The following PDP2 variants were observed in gnomAD, a reference collection of about 807,000 sequenced individuals.
PDP2 encodes [Pyruvate dehydrogenase [acetyl-transferring]]-phosphatase 2, mitochondrial.
Under a neutral mutation model 34.2 loss-of-function variants are expected in PDP2, and 23 were observed. The observed-to-expected ratio is 0.67, with a 90% CI of 0.48 to 0.95. PDP2 has a LOEUF of 0.95. Ranked by LOEUF, PDP2 falls within the 40% of genes least tolerant of loss-of-function variation. The pLI, the probability that PDP2 is intolerant of heterozygous loss-of-function variation, is 0.00. For synonymous variants in PDP2, 275 were observed against 269.2 expected (o/e 1.02, Z -0.21); for missense variants, 571 against 659.6 (o/e 0.87, Z 1.47).
Position 66,884,706 on chromosome 16 carries a change from A to G in PDP2, c.422A>G (p.Asp141Gly), listed in dbSNP as rs1054857471. The G allele has an allele frequency of 6.2e-7, 1 of 1,614,092 alleles. No homozygotes were observed. Among genetic ancestry groups the G allele is most frequent in the African/African-American group, 1.3e-5 (1 of 74,940 alleles). ...AATGGACTGATGTTTGGCATCTTCG[A>G]TGGACATGGTGGTCATGCATGTGCC... ...QTNGLMFGIFDGHGGHACAQA... is the reference protein window; with the variant it reads ...QTNGLMFGIFGGHGGHACAQA... The change falls in exon 2 of 2, where the codon GAT becomes GGT. Residue 141 changes from aspartate (D) to glycine (G), a missense_variant. Physicochemically the swap from Asp to Gly is moderately conservative, Grantham distance 94. Coordinates refer to ENST00000311765, the MANE Select transcript of PDP2 (RefSeq NM_020786.4).
rs1961780527 is a variant in PDP2 at position 66,886,738 on chromosome 16, G to A, written c.*864G>A. The A allele has an allele frequency of 4.0e-6, 1 of 251,002 alleles. No homozygotes were observed. Among genetic ancestry groups the A allele is most frequent in the Non-Finnish European group, 9.2e-6 (1 of 108,830 alleles). 15.5% of individuals were successfully genotyped at this position (251,002 alleles called of 1,614,324 possible). A position where few individuals can be genotyped will look rare whatever the true frequency, so the allele number is the denominator to read the frequency against. On this transcript the variant is annotated 3_prime_UTR_variant, in exon 2 of 2. Coordinates refer to ENST00000311765, the MANE Select transcript of PDP2 (RefSeq NM_020786.4). ...TTGGGGGTTGATTCACAGCATTTAAGCTTTCTGATTATACCTCTCAAACAT... is the reference window on the plus strand; with the variant it reads ...TTGGGGGTTGATTCACAGCATTTAAACTTTCTGATTATACCTCTCAAACAT...
Position 66,885,590 on chromosome 16 carries a change from T to C in PDP2, c.1306T>C (p.Trp436Arg). Residue 436 changes from tryptophan (W) to arginine (R), a missense_variant, in exon 2 of 2, where the codon TGG becomes CGG. Around this residue, in one of 2 missense-constraint regions of PDP2, gnomAD observed 281 missense variants for 375.8 expected, o/e 0.75. Transcript: ENST00000311765. The surrounding 1 kb of genome is among the most constrained non-coding windows in gnomAD (Gnocchi z 4.6). ...LVVGHLAEADWHKTDLAQRPA... is the reference protein window; with the variant it reads ...LVVGHLAEADRHKTDLAQRPA... ...GGTGGGGCACCTGGCTGAGGCAGAT[T>C]GGCACAAGACAGACCTGGCCCAGAG... 1.2e-6 allele frequency: 2 copies of C among 1,614,052 alleles called. No individual in the cohort carries two copies. Among genetic ancestry groups the C allele is most frequent in the South Asian group, 2.2e-5 (2 of 91,074 alleles).
rs762529550 is a variant in PDP2, at chr16:66,884,329, C to T, written c.45C>T (p.Asn15=). 8.1e-6 allele frequency: 13 copies of T among 1,613,478 alleles called. No homozygotes were observed. The highest frequency in any genetic ancestry group is 1.1e-5 in the Non-Finnish European group (13 of 1,179,646). The part of the protein sequence containing the change: ...VSYWILNSTR[N]SIATLQGGRR... Reference sequence around the variant, plus strand: ...ACTGGATCTTAAATTCTACAAGGAACAGCATTGCCACATTGCAAGGGGGTA... The same window carrying T: ...ACTGGATCTTAAATTCTACAAGGAATAGCATTGCCACATTGCAAGGGGGTA... Residue 15 remains asparagine (N), a synonymous_variant, in exon 2 of 2, where the codon AAC becomes AAT. Coordinates refer to ENST00000311765, the MANE Select transcript of PDP2 (RefSeq NM_020786.4).
Position 66,885,509 on chromosome 16 carries a change from C to T in PDP2, c.1225C>T (p.Leu409=). The change falls in exon 2 of 2, where the codon CTG becomes TTG. Residue 409 remains leucine (L), a synonymous_variant. Coordinates refer to ENST00000311765, the MANE Select transcript of PDP2 (RefSeq NM_020786.4). The surrounding 1 kb of genome is among the most constrained non-coding windows in gnomAD (Gnocchi z 4.6). ...RLRPQDKFLV[L]ASDGLWDMLS... The stretch of plus-strand genomic sequence containing the variant: ...GAGGCCCCAGGATAAGTTCCTTGTG[C>T]TGGCCTCAGATGGCCTGTGGGACAT... 6.2e-7 allele frequency: 1 copy of T among 1,614,098 alleles called. No individual in the cohort carries two copies. Among genetic ancestry groups the T allele is most frequent in the Non-Finnish European group, 8.5e-7 (1 of 1,180,046 alleles).
rs1157424253 is a variant in PDP2, at chr16:66,888,088, C to T, written c.*2214C>T. On this transcript the variant is annotated 3_prime_UTR_variant, in exon 2 of 2. Coordinates refer to ENST00000311765, the MANE Select transcript of PDP2 (RefSeq NM_020786.4). ...TCTCTCTTTCTTTCTTTCTTTCCTT[C>T]TTGACAGGGTCTCCCTGTAGCCAGG... 6.8e-6 allele frequency: 1 copy of T among 146,802 alleles called. No individual in the cohort carries two copies. The highest frequency in any genetic ancestry group is 1.5e-5 in the Non-Finnish European group (1 of 66,920). The allele number at this position is 146,802 out of a possible 1,614,324, so 9.1% of individuals were successfully genotyped here. A position where few individuals can be genotyped will look rare whatever the true frequency, so the allele number is the denominator to read the frequency against.
intron 1 of PDP2, among the ~76,000 whole-genome samples, chr16:66,883,759 T>C (rs1365673023): frequency 2.6e-5 from 4 of 152,092 alleles, no homozygotes; most frequent in African/African-American, 9.7e-5. Flanking sequence ...CCGAAGCAGA[T>C]ATTTAAATGA....
Position 66,888,786 on chromosome 16 carries a change from G to C in PDP2, c.*2912G>C, listed in dbSNP as rs1308109653. On this transcript the variant is annotated 3_prime_UTR_variant, in exon 2 of 2. Transcript: ENST00000311765. ...TGAATCTTACTTTGGAGCCTAGCATGGGTCATAAATATATCTGATTCATTA... is the reference window on the plus strand; with the variant it reads ...TGAATCTTACTTTGGAGCCTAGCATCGGTCATAAATATATCTGATTCATTA... 1 of 152,176 alleles carries C rather than the reference G, an allele frequency of 6.6e-6. No individual in the cohort carries two copies. The highest frequency in any genetic ancestry group is 1.5e-5 in the Non-Finnish European group (1 of 68,038). The allele number at this position is 152,176 out of a possible 1,614,324, so 9.4% of individuals were successfully genotyped here.
At chr16:66,884,173 CAAAAAAAAAAAA>C (rs575688634) in intron 1 of PDP2, 46 bp from the exon 2 acceptor site, 2 of 642,542 alleles carry the variant, frequency 3.1e-6, no homozygotes, top group Non-Finnish European at 2.2e-6. Flanking sequence ...GACTACGTCT[CAAAAAAAAAAAA>C]AAAAAAAAGA....
chr16:66,884,268 G>T lies in PDP2; in HGVS notation c.-17G>T. The T allele has an allele frequency of 6.0e-6, 9 of 1,506,094 alleles. No homozygotes were observed. Among genetic ancestry groups the T allele is most frequent in the South Asian group, 2.8e-5 (2 of 72,456 alleles). The allele number at this position is 1,506,094 out of a possible 1,614,324, so 93.3% of individuals were successfully genotyped here. On this transcript the variant is annotated 5_prime_UTR_variant, in exon 2 of 2. Coordinates refer to ENST00000311765, the MANE Select transcript of PDP2 (RefSeq NM_020786.4). ...CCTTTTTTGCTGAAGGAACACATTT[G>T]CTGGTATAGTTTCAGAATGTCAAGT...
chr16:66,891,025 A>G lies in PDP2; in HGVS notation c.*5151A>G. 6.6e-6 allele frequency: 1 copy of G among 152,208 alleles called. No individual in the cohort carries two copies. Among genetic ancestry groups the G allele is most frequent in the Non-Finnish European group, 1.5e-5 (1 of 68,042 alleles). The allele number at this position is 152,208 out of a possible 1,614,324, so 9.4% of individuals were successfully genotyped here. ...CTGACATTTGTATTTTAAGCTGTATACCAATGTTCGTATTTGACATTGATT... is the reference window on the plus strand; with the variant it reads ...CTGACATTTGTATTTTAAGCTGTATGCCAATGTTCGTATTTGACATTGATT... On this transcript the variant is annotated 3_prime_UTR_variant, in exon 2 of 2. Transcript: ENST00000311765.
In PDP2 at chr16:66,885,708, T is replaced by C. The variant is rs1961735296; in HGVS notation, c.1424T>C (p.Ile475Thr). ...EADQNAATRL[I>T]RHAIGNNEYG... is the part of the protein sequence containing the mutation. The stretch of plus-strand genomic sequence containing the variant: ...GACCAAAATGCAGCCACGCGGCTGA[T>C]CAGACATGCCATCGGGAACAATGAG... Residue 475 changes from isoleucine (I) to threonine (T), a missense_variant, in exon 2 of 2, where the codon ATC becomes ACC. By Grantham distance (89) the Ile-to-Thr change is moderately conservative (BLOSUM62 -1). This residue lies in a region of PDP2 where 281 missense variants were observed against 375.8 expected (regional missense o/e 0.75). Coordinates refer to ENST00000311765, the MANE Select transcript of PDP2 (RefSeq NM_020786.4). This position sits in a 1 kb window ranked among gnomAD's most constrained non-coding sequence, Gnocchi z 4.6. 1 of 1,613,862 alleles carries C rather than the reference T, an allele frequency of 6.2e-7. No homozygotes were observed.
rs1362989534 is a variant in PDP2, at chr16:66,889,819, C to A, written c.*3945C>A. ...CTCTACAAAAAAAAAAAAAAATAGC[C>A]AGGTGTGGCACATGCCTGTAGTCTC... On this transcript the variant is annotated 3_prime_UTR_variant, in exon 2 of 2. Coordinates refer to ENST00000311765, the MANE Select transcript of PDP2 (RefSeq NM_020786.4). 1 of 149,506 alleles carries A rather than the reference C, an allele frequency of 6.7e-6. No homozygotes were observed. The highest frequency in any genetic ancestry group is 2.5e-5 in the African/African-American group (1 of 40,460). The allele number at this position is 149,506 out of a possible 1,614,324, so 9.3% of individuals were successfully genotyped here.
chr16:66,889,399 GAAGTGA>G lies in PDP2; in HGVS notation c.*3526_*3531del, dbSNP rs1478013598. On this transcript the variant is annotated 3_prime_UTR_variant, in exon 2 of 2. Coordinates refer to ENST00000311765, the MANE Select transcript of PDP2 (RefSeq NM_020786.4). ...CACTGCAACGTCTGCCTCCCAGATT[GAAGTGA>G]CTCTCGTGCCTCTGCCACAGAGTAG... 1.1e-4 allele frequency: 17 copies of G among 152,062 alleles called. No homozygotes were observed. The highest frequency in any genetic ancestry group is 2.1e-4 in the Non-Finnish European group (14 of 68,022). The allele number at this position is 152,062 out of a possible 1,614,324, so 9.4% of individuals were successfully genotyped here. A position where few individuals can be genotyped will look rare whatever the true frequency, so the allele number is the denominator to read the frequency against.
rs955099066 is a variant in PDP2 at position 66,884,833 on chromosome 16, G to T, written c.549G>T (p.Leu183Phe). The change falls in exon 2 of 2, where the codon TTG (leucine) becomes TTT (phenylalanine). Residue 183 changes from leucine to phenylalanine, a missense_variant. Coordinates refer to ENST00000311765, the MANE Select transcript of PDP2 (RefSeq NM_020786.4). ...MEGAMESMKP[L>F]LPILHWLKHP... The stretch of plus-strand genomic sequence containing the variant: ...GAGCTATGGAAAGCATGAAACCCTT[G>T]CTGCCCATCCTGCATTGGCTCAAGC... 3.7e-6 allele frequency: 6 copies of T among 1,614,034 alleles called. No individual in the cohort carries two copies. Among genetic ancestry groups the T allele is most frequent in the Non-Finnish European group, 5.1e-6 (6 of 1,179,966 alleles).
rs953595800 is a variant in PDP2, at chr16:66,889,630, T to C, written c.*3756T>C. The C allele has an allele frequency of 6.6e-6, 1 of 152,098 alleles. No homozygotes were observed. Among genetic ancestry groups the C allele is most frequent in the African/African-American group, 2.4e-5 (1 of 41,414 alleles). 9.4% of individuals were successfully genotyped at this position (152,098 alleles called of 1,614,324 possible). The stretch of plus-strand genomic sequence containing the variant: ...AAAAAATATATAACTGCATCTCTCT[T>C]GATTCTGGGGCTTGGTAAAAATGGA... On this transcript the variant is annotated 3_prime_UTR_variant, in exon 2 of 2. Transcript: ENST00000311765.
chr16:66,888,117 G>A lies in PDP2; in HGVS notation c.*2243G>A, dbSNP rs1203950882. The A allele has an allele frequency of 6.7e-6, 1 of 149,982 alleles. No individual in the cohort carries two copies. Among genetic ancestry groups the A allele is most frequent in the Admixed American group, 6.7e-5 (1 of 14,918 alleles). The allele number at this position is 149,982 out of a possible 1,614,324, so 9.3% of individuals were successfully genotyped here. On this transcript the variant is annotated 3_prime_UTR_variant, in exon 2 of 2. Transcript: ENST00000311765. ...ACAGGGTCTCCCTGTAGCCAGGCTG[G>A]AGTGCAATGGCATGATCTTGGCTCA... is the stretch of plus-strand genomic sequence containing the variant.
In PDP2 at chr16:66,886,598, G is replaced by A; in HGVS notation, c.*724G>A. 2.1e-6 allele frequency: 1 copy of A among 465,236 alleles called. No individual in the cohort carries two copies. Among genetic ancestry groups the A allele is most frequent in the Non-Finnish European group, 4.5e-6 (1 of 222,872 alleles). The allele number at this position is 465,236 out of a possible 1,614,324, so 28.8% of individuals were successfully genotyped here. ...GCTGAACTTACTGGTGCAGCTTTTT[G>A]TGCCCTCTACTGAGTCCCATTCCAG... On this transcript the variant is annotated 3_prime_UTR_variant, in exon 2 of 2. Coordinates refer to ENST00000311765, the MANE Select transcript of PDP2 (RefSeq NM_020786.4).
Position 66,886,661 on chromosome 16 carries a change from CT to C in PDP2, c.*789del, listed in dbSNP as rs1961778313. 2.6e-6 allele frequency: 1 copy of C among 386,540 alleles called. No homozygotes were observed. Among genetic ancestry groups the C allele is most frequent in the South Asian group, 1.8e-5 (1 of 54,772 alleles). The allele number at this position is 386,540 out of a possible 1,614,324, so 23.9% of individuals were successfully genotyped here. A position where few individuals can be genotyped will look rare whatever the true frequency, so the allele number is the denominator to read the frequency against. ...ATGCTAGGAGGTAACTAGTCTATGC[CT>C]TAACTCCTGACCTTTCCTGCATTAG... On this transcript the variant is annotated 3_prime_UTR_variant, in exon 2 of 2. Coordinates refer to ENST00000311765, the MANE Select transcript of PDP2 (RefSeq NM_020786.4).
At position 66,889,784 on chromosome 16, in the gene PDP2, T is replaced by C. The variant is rs1379904157; in HGVS notation, c.*3910T>C. 1 of 146,186 alleles carries C rather than the reference T, an allele frequency of 6.8e-6. No individual in the cohort carries two copies. Among genetic ancestry groups the C allele is most frequent in the Non-Finnish European group, 1.5e-5 (1 of 66,946 alleles). The allele number at this position is 146,186 out of a possible 1,614,324, so 9.1% of individuals were successfully genotyped here. On this transcript the variant is annotated 3_prime_UTR_variant, in exon 2 of 2. Coordinates refer to ENST00000311765, the MANE Select transcript of PDP2 (RefSeq NM_020786.4). Reference sequence around the variant, plus strand: ...CAGTATGAGACCAGCCTGGGCAACATAGATCTTGCCTCTACAAAAAAAAAA... The same window carrying C: ...CAGTATGAGACCAGCCTGGGCAACACAGATCTTGCCTCTACAAAAAAAAAA...
Sources: allele counts gnomAD v4.1 joint callset (sites outside exome capture counted in the v4.1 genomes callset), GRCh38; gene constraint gnomAD v4.1.1; regional missense constraint gnomAD v4.1.1; non-coding constraint Gnocchi (gnomAD v3.1); transcripts MANE v1.5; gene names NCBI Gene and HGNC (gene_info 2026-07-23, HGNC 2026-07-21).